The following ZC3H12B variants were observed in gnomAD, a reference collection of about 807,000 sequenced individuals.
ZC3H12B encodes the protein probable ribonuclease ZC3H12B.
A neutral mutation model predicts 43.9 loss-of-function variants in ZC3H12B; 7 were observed. That is an observed-to-expected ratio of 0.16 (90% CI 0.09 to 0.30). The LOEUF (loss-of-function observed/expected upper bound fraction) is 0.30. Among genes scored for constraint, ZC3H12B ranks in the 10% least tolerant of loss-of-function variants. The probability of loss-of-function intolerance (pLI) is 1.00; values close to 1 mark genes in which losing one functional copy is unlikely to be tolerated. For missense variants in ZC3H12B, 475 were observed against 670.2 expected (o/e 0.71, Z 3.22); for synonymous variants, 222 against 241.7 (o/e 0.92, Z 0.76).
At chrX:65,295,968 A>G in the ZC3H12B span, among the ~76,000 whole-genome samples, 1 of 111,882 alleles carries the variant, frequency 8.9e-6, no homozygotes, top group Non-Finnish European at 1.9e-5. Context: ...TTAAAGAACT[A>G]AAAGTACATC....
exon 5 of ZC3H12B, chrX:65,503,093 C>T (rs777713153): frequency 8.3e-7 from 1 of 1,211,407 alleles, no homozygotes; most frequent in Non-Finnish European, 1.1e-6. Flanking sequence ...CTACAAGAAC[C>T]TCTGCAATAT....
At chrX:65,200,139 GC>G in the ZC3H12B span, among the ~76,000 whole-genome samples, 2 of 111,145 alleles carry the variant, frequency 1.8e-5, no homozygotes, top group African/African-American at 6.5e-5. Context: ...CTTTTTAATA[GC>G]CATTCTGACT....
chrX:65,503,467 A>C, exon 5 of ZC3H12B: 1 of 283,969 alleles, frequency 3.5e-6, no homozygotes, highest in Non-Finnish European at 6.1e-6. Context: ...CACACACCCA[A>C]GTCCTCTAAA....
At chrX:65,347,928 T>A in the ZC3H12B span, among the ~76,000 whole-genome samples, 43 of 112,240 alleles carry the variant, frequency 3.8e-4, no homozygotes, top group African/African-American at 1.3e-3. Context: ...TGAATTCATG[T>A]CCTTTGTAGG....
the ZC3H12B span, among the ~76,000 whole-genome samples, chrX:65,141,119 C>T: frequency 1.8e-5 from 2 of 110,162 alleles, no homozygotes; most frequent in Non-Finnish European, 3.8e-5. Flanking sequence ...AAATCTTCTT[C>T]TAGCTCCTTG....
At chrX:65,291,988 A>G in the ZC3H12B span, among the ~76,000 whole-genome samples, 9,469 of 111,698 alleles carry the variant, frequency 0.085, 1,068 homozygotes, top group African/African-American at 0.3. Context: ...CTGAATATGT[A>G]TGAAACTAAC....
the ZC3H12B span, among the ~76,000 whole-genome samples, chrX:65,114,062 A>T: frequency 3.3e-5 from 3 of 90,217 alleles, no homozygotes; most frequent in African/African-American, 1.1e-4. Context: ...AAGTACATTG[A>T]TTTTTGTATG....
the ZC3H12B span, among the ~76,000 whole-genome samples, chrX:65,150,342 G>C: frequency 1.8e-5 from 2 of 110,652 alleles, no homozygotes; most frequent in African/African-American, 6.6e-5. Context: ...CTTCATATTT[G>C]CTGAGACAAA....
the ZC3H12B span, among the ~76,000 whole-genome samples, chrX:65,276,893 C>T: frequency 9.0e-6 from 1 of 111,508 alleles, no homozygotes; most frequent in African/African-American, 3.3e-5. Context: ...TCAATAATAA[C>T]CTTGAATGTA....
the ZC3H12B span, among the ~76,000 whole-genome samples, chrX:65,189,772 C>A: frequency 9.0e-6 from 1 of 111,014 alleles, no homozygotes; most frequent in African/African-American, 3.3e-5. Flanking sequence ...ATGGTAGTTG[C>A]TTTTGCTATG....
chrX:65,037,463 G>A, the ZC3H12B span, among the ~76,000 whole-genome samples: 2 of 111,905 alleles, frequency 1.8e-5, no homozygotes, highest in African/African-American at 6.5e-5. Context: ...TTTGTAGTGG[G>A]CATAATTTTC....
the ZC3H12B span, among the ~76,000 whole-genome samples, chrX:65,113,985 G>GTGTGTA: frequency 2.1e-5 from 1 of 47,475 alleles, no homozygotes; most frequent in African/African-American, 5.5e-5. Flanking sequence ...AGATATGCTT[G>GTGTGTA]TATATATATA....
chrX:65,214,022 A>G, the ZC3H12B span, among the ~76,000 whole-genome samples: 1 of 111,245 alleles, frequency 9.0e-6, no homozygotes, highest in Non-Finnish European at 1.9e-5. Context: ...GTGTTCTCTT[A>G]GTGTGAAATA....
intron 1 of ZC3H12B, among the ~76,000 whole-genome samples, chrX:65,367,962 G>T (rs1199155913): frequency 3.6e-5 from 4 of 111,250 alleles, no homozygotes; most frequent in Non-Finnish European, 7.5e-5. Context: ...TGGGTAGTGG[G>T]AAGAATAATA....
intron 2 of ZC3H12B, among the ~76,000 whole-genome samples, chrX:65,396,091 A>T (rs1457135130): frequency 1.3e-4 from 14 of 110,481 alleles, no homozygotes; most frequent in African/African-American, 4.3e-4. Context: ...TTCTTTATTA[A>T]TCTGGCTACT....
At chrX:65,191,284 G>C in the ZC3H12B span, among the ~76,000 whole-genome samples, 1 of 58,216 alleles carries the variant, frequency 1.7e-5, no homozygotes, top group South Asian at 9.7e-4. Context: ...TCTCTGCCCG[G>C]CTTTGGTATC....
chrX:65,317,813 CTA>C, the ZC3H12B span, among the ~76,000 whole-genome samples: 15 of 100,184 alleles, frequency 1.5e-4, no homozygotes, highest in East Asian at 3.1e-4. Context: ...TATACACACA[CTA>C]TATATATATA....
the ZC3H12B span, among the ~76,000 whole-genome samples, chrX:65,280,289 G>A: frequency 8.9e-6 from 1 of 112,216 alleles, no homozygotes; most frequent in African/African-American, 3.2e-5. Context: ...ATAGAATTAT[G>A]AACAAAAATC....
At chrX:65,122,816 A>T in the ZC3H12B span, among the ~76,000 whole-genome samples, 1 of 111,836 alleles carries the variant, frequency 8.9e-6, no homozygotes, top group African/African-American at 3.2e-5. Flanking sequence ...AAAGGGATCA[A>T]TTCAACAGGA....
Sources: gnomAD v4.1 joint callset for allele counts (sites outside exome capture counted in the v4.1 genomes callset) on GRCh38, gnomAD v4.1.1 for gene constraint, MANE v1.5 for transcripts, NCBI Gene and HGNC (gene_info 2026-07-23, HGNC 2026-07-21) for gene names.